Variants in DPP10 observed in about 807,000 individuals in gnomAD.
DPP10 encodes the protein dipeptidyl peptidase like 10, also known as inactive dipeptidyl peptidase 10.
A neutral mutation model predicts 120.9 loss-of-function variants in DPP10; 33 were observed. The observed-to-expected ratio is 0.27, with a 90% CI of 0.21 to 0.37. The LOEUF (loss-of-function observed/expected upper bound fraction) is 0.37. Among genes scored for constraint, DPP10 ranks in the 10% least tolerant of loss-of-function variants. DPP10 has a pLI of 1.00. For synonymous variants in DPP10, 337 were observed against 326.1 expected (o/e 1.03, Z -0.36); for missense variants, 816 against 942.8 (o/e 0.87, Z 1.76).
chr2:115,700,120 A>T (rs1194190554), intron 7 of DPP10, among the ~76,000 whole-genome samples: 1 of 152,178 alleles, frequency 6.6e-6, no homozygotes, highest in Non-Finnish European at 1.5e-5. Flanking sequence ...TTAAACAAAC[A>T]GATCTTGTGA....
intron 1 of DPP10, among the ~76,000 whole-genome samples, chr2:114,703,986 C>T (rs1700537438): frequency 6.6e-6 from 1 of 151,998 alleles, no homozygotes; most frequent in African/African-American, 2.4e-5. Flanking sequence ...TTTCCTACTG[C>T]CTCCCACAGA....
chr2:115,370,995 C>T (rs1206985058), intron 3 of DPP10, among the ~76,000 whole-genome samples: 2 of 151,948 alleles, frequency 1.3e-5, no homozygotes, highest in Non-Finnish European at 2.9e-5. Flanking sequence ...TTGTGAAGGC[C>T]TTTGTTATTG....
chr2:114,749,370 T>G (rs1212914422), intron 1 of DPP10, among the ~76,000 whole-genome samples: 1 of 152,148 alleles, frequency 6.6e-6, no homozygotes, highest in African/African-American at 2.4e-5. Flanking sequence ...ATGTCTTTTA[T>G]AAAGACTCAA....
chr2:115,084,109 A>G (rs1708502512), intron 1 of DPP10, among the ~76,000 whole-genome samples: 1 of 152,132 alleles, frequency 6.6e-6, no homozygotes, highest in Admixed American at 6.5e-5. Flanking sequence ...AACCTATATG[A>G]ATCCCTATTA....
chr2:114,559,222 G>A lies in DPP10; in HGVS notation c.60+116384G>A, dbSNP rs532580602. Among the ~76,000 whole-genome samples the A allele has an allele frequency of 1.6e-4, 25 of 152,254 alleles. No homozygotes were observed. The East Asian group carries it at 2.7e-3, about 16-fold the overall frequency. ...GACTCAGGTAAGGATCCTGAAATGGGGGGATTATCCTGGATTGTACTGTTA... is the reference window on the plus strand; with the variant it reads ...GACTCAGGTAAGGATCCTGAAATGGAGGGATTATCCTGGATTGTACTGTTA... On this transcript the variant is annotated intron_variant, in intron 1 of 25. Transcript: ENST00000410059.
intron 3 of DPP10, among the ~76,000 whole-genome samples, chr2:115,375,471 T>C (rs1211933401): frequency 6.6e-6 from 1 of 152,206 alleles, no homozygotes; most frequent in East Asian, 1.9e-4. Flanking sequence ...TTCCAAACTG[T>C]ACCACATCTT....
chr2:115,163,958 A>G (rs965802085), intron 1 of DPP10, among the ~76,000 whole-genome samples: 2 of 152,252 alleles, frequency 1.3e-5, no homozygotes, highest in Non-Finnish European at 2.9e-5. Flanking sequence ...ATGAAGAGAT[A>G]GGTGCAAGCT....
chr2:115,472,498 C>G (rs2074796048), intron 3 of DPP10, among the ~76,000 whole-genome samples: 1 of 152,114 alleles, frequency 6.6e-6, no homozygotes, highest in African/African-American at 2.4e-5. Context: ...TTTCTTCACA[C>G]TGAGTTTTCA....
intron 3 of DPP10, among the ~76,000 whole-genome samples, chr2:115,456,946 T>A (rs1463749921): frequency 6.9e-6 from 1 of 145,308 alleles, no homozygotes; most frequent in Non-Finnish European, 1.5e-5. Flanking sequence ...TCTGCACACG[T>A]ACCCCAGAAC....
At chr2:114,803,598 G>A (rs1232347572) in intron 1 of DPP10, among the ~76,000 whole-genome samples, 1 of 152,208 alleles carries the variant, frequency 6.6e-6, no homozygotes, top group African/African-American at 2.4e-5. Context: ...TGGAGCAAAA[G>A]TGACTCTTGT....
chr2:114,518,069 A>ATTT (rs751351962), intron 1 of DPP10, among the ~76,000 whole-genome samples: 20 of 54,146 alleles, frequency 3.7e-4, no homozygotes, highest in African/African-American at 1.1e-3. Context: ...TGAGCTATTC[A>ATTT]TTTTTTTTTT....
intron 21 of DPP10, among the ~76,000 whole-genome samples, chr2:115,831,649 G>C (rs1688940993): frequency 6.6e-6 from 1 of 152,150 alleles, no homozygotes; most frequent in Admixed American, 6.5e-5. Context: ...TAAATTTTGA[G>C]TAAATGGCAT....
At chr2:114,514,271 T>G (rs1490697039) in intron 1 of DPP10, among the ~76,000 whole-genome samples, 1 of 152,196 alleles carries the variant, frequency 6.6e-6, no homozygotes, top group Non-Finnish European at 1.5e-5. Context: ...AACCCTGTGA[T>G]GTACACACTC....
chr2:115,234,043 G>C, intron 1 of DPP10: 1 of 464,884 alleles, frequency 2.2e-6, no homozygotes, highest in Non-Finnish European at 4.2e-6. Context: ...CTTGAAGAAA[G>C]GGACATTTTA....
intron 1 of DPP10, among the ~76,000 whole-genome samples, chr2:114,859,834 T>C (rs190393853): frequency 2.4e-4 from 36 of 152,318 alleles, no homozygotes; most frequent in African/African-American, 8.2e-4. Flanking sequence ...ATCTCTTGTT[T>C]TCCCATCAAT....
At chr2:115,146,080 G>A (rs1478126761) in intron 1 of DPP10, among the ~76,000 whole-genome samples, 1 of 152,032 alleles carries the variant, frequency 6.6e-6, no homozygotes, top group Non-Finnish European at 1.5e-5. Context: ...AAAAAATCCT[G>A]AAGTTGAGAA....
intron 7 of DPP10, among the ~76,000 whole-genome samples, chr2:115,718,013 A>T (rs1035713803): frequency 1.3e-5 from 2 of 152,168 alleles, no homozygotes; most frequent in African/African-American, 4.8e-5. Flanking sequence ...AGAGGAAAAA[A>T]ATGTATACTA....
chr2:115,795,587 T>G (rs1171977428), intron 19 of DPP10, among the ~76,000 whole-genome samples: 3 of 152,144 alleles, frequency 2.0e-5, no homozygotes, highest in Non-Finnish European at 4.4e-5. Flanking sequence ...CATCACTGAA[T>G]GTTCTGTGTA....
intron 1 of DPP10, among the ~76,000 whole-genome samples, chr2:114,796,914 C>A (rs1013397950): frequency 1.1e-4 from 16 of 152,112 alleles, no homozygotes; most frequent in African/African-American, 3.9e-4. Context: ...AAAAATTAAC[C>A]CCTTCTCTTG....
Sources: gnomAD v4.1 joint callset for allele counts (sites outside exome capture counted in the v4.1 genomes callset) on GRCh38, gnomAD v4.1.1 for gene constraint, MANE v1.5 for transcripts, NCBI Gene and HGNC (gene_info 2026-07-23, HGNC 2026-07-21) for gene names.